Variants in FNDC3B observed in about 807,000 individuals in gnomAD.
The protein encoded by FNDC3B is fibronectin type III domain containing 3B.
In FNDC3B, 12 loss-of-function variants were observed where a neutral mutation model predicts 151.5. The ratio of observed to expected loss-of-function variants is 0.08; its 90% confidence interval spans 0.05 to 0.13. FNDC3B has a LOEUF of 0.13. Among genes scored for constraint, FNDC3B ranks in the 10% least tolerant of loss-of-function variants. The pLI is 1.00. For synonymous variants in FNDC3B, 528 were observed against 549.0 expected (o/e 0.96, Z 0.54); for missense variants, 1,214 against 1,505.3 (o/e 0.81, Z 3.20).
intron 6 of FNDC3B, among the ~76,000 whole-genome samples, chr3:172,272,482 C>T (rs1366810663): frequency 1.3e-5 from 2 of 152,070 alleles, no homozygotes; most frequent in Non-Finnish European, 2.9e-5. Flanking sequence ...AGCTGATGGG[C>T]TGTAGTGGGG....
At chr3:172,390,540 CT>C (rs1173476820) in intron 25 of FNDC3B, among the ~76,000 whole-genome samples, 225 of 143,950 alleles carry the variant, frequency 1.6e-3, no homozygotes, top group Middle Eastern at 3.8e-3. Flanking sequence ...TTTGGGCTCA[CT>C]TTTTTTTTTT....
intron 7 of FNDC3B, among the ~76,000 whole-genome samples, chr3:172,294,984 T>A (rs1349236216): frequency 6.6e-6 from 1 of 152,234 alleles, no homozygotes; most frequent in Non-Finnish European, 1.5e-5. Context: ...CTTTGAAGAA[T>A]GATTTGACAC....
At chr3:172,152,592 T>TTTTC (rs1722286360) in intron 3 of FNDC3B, among the ~76,000 whole-genome samples, 1 of 151,698 alleles carries the variant, frequency 6.6e-6, no homozygotes, top group Non-Finnish European at 1.5e-5. Flanking sequence ...TTTTTTTTTT[T>TTTTC]TTCTTCAAAC....
At chr3:172,092,244 AG>A (rs1279857424) in intron 1 of FNDC3B, among the ~76,000 whole-genome samples, 1 of 152,182 alleles carries the variant, frequency 6.6e-6, no homozygotes, top group East Asian at 1.9e-4. Context: ...CTGGAGATCC[AG>A]GAAGAGATTC....
intron 25 of FNDC3B, among the ~76,000 whole-genome samples, chr3:172,388,281 T>C (rs1267935493): frequency 6.6e-6 from 1 of 152,222 alleles, no homozygotes; most frequent in African/African-American, 2.4e-5. Context: ...CATGTTATTT[T>C]GAATTAAGGG....
chr3:172,159,061 A>C (rs1263080997), intron 3 of FNDC3B, among the ~76,000 whole-genome samples: 1 of 152,204 alleles, frequency 6.6e-6, no homozygotes, highest in Admixed American at 6.5e-5. Context: ...TGGGCAGATC[A>C]CAAGGTCAGG....
intron 4 of FNDC3B, among the ~76,000 whole-genome samples, chr3:172,242,446 G>A (rs1727547819): frequency 1.3e-5 from 2 of 152,198 alleles, no homozygotes; most frequent in South Asian, 4.1e-4. Context: ...TACAGCCTCT[G>A]AAGTCTAGGC....
At chr3:172,056,437 C>T (rs1211265252) in intron 1 of FNDC3B, among the ~76,000 whole-genome samples, 6 of 152,100 alleles carry the variant, frequency 3.9e-5, no homozygotes, top group Non-Finnish European at 5.9e-5. Context: ...AGATAATAGC[C>T]GGTTACAATG....
chr3:172,286,914 C>G (rs975496857), intron 7 of FNDC3B, among the ~76,000 whole-genome samples: 8 of 152,222 alleles, frequency 5.3e-5, no homozygotes, highest in Admixed American at 2.0e-4. Context: ...CTACTGTAGT[C>G]CTGGTGAAAG....
chr3:172,161,993 G>GA (rs1322505818), intron 3 of FNDC3B, among the ~76,000 whole-genome samples: 2 of 150,456 alleles, frequency 1.3e-5, no homozygotes, highest in South Asian at 4.2e-4. Context: ...TTTTTTTGGG[G>GA]GGGGACAGAG....
chr3:172,300,627 A>G (rs1447788685), intron 9 of FNDC3B, among the ~76,000 whole-genome samples: 1 of 152,144 alleles, frequency 6.6e-6, no homozygotes, highest in East Asian at 1.9e-4. Flanking sequence ...GTTACCATCT[A>G]GGGGCCTTGG....
intron 6 of FNDC3B, among the ~76,000 whole-genome samples, chr3:172,271,114 C>T (rs1729180776): frequency 2.0e-5 from 3 of 152,200 alleles, no homozygotes; most frequent in African/African-American, 7.2e-5. Flanking sequence ...TAAGAACGAG[C>T]CTCTTTAGGT....
At chr3:172,156,244 A>G (rs534511200) in intron 3 of FNDC3B, among the ~76,000 whole-genome samples, 4 of 152,362 alleles carry the variant, frequency 2.6e-5, no homozygotes, top group Non-Finnish European at 5.9e-5. Flanking sequence ...GCCATCATCA[A>G]TTGCATAAAC....
intron 14 of FNDC3B, among the ~76,000 whole-genome samples, chr3:172,333,414 C>T (rs6782310): frequency 0.048 from 7,329 of 151,882 alleles, 237 homozygotes; most frequent in African/African-American, 0.093. Flanking sequence ...CTCTGCCTCC[C>T]GGGTTTAAGC....
At chr3:172,361,392 G>C (rs867174783) in intron 22 of FNDC3B, among the ~76,000 whole-genome samples, 1 of 152,090 alleles carries the variant, frequency 6.6e-6, no homozygotes, top group African/African-American at 2.4e-5. Flanking sequence ...AAGCAGCCAG[G>C]TCACCTCTTG....
intron 1 of FNDC3B, among the ~76,000 whole-genome samples, chr3:172,073,487 GGACTTT>G (rs1303609671): frequency 2.0e-5 from 3 of 152,140 alleles, no homozygotes; most frequent in African/African-American, 7.2e-5. Flanking sequence ...TAGTTGCTGT[GGACTTT>G]GACTTTCTTC....
rs1204622069 is a variant in FNDC3B at position 172,344,265 on chromosome 3, A to G, written c.2250+7A>G. ...GGCTCTGAATGATGGAGGGGTGAGT[A>G]TAAGCCCATACACCATAACCAGAAT... On this transcript the variant is annotated splice_region_variant and intron_variant, in intron 19 of 25. Coordinates refer to ENST00000415807, the MANE Select transcript of FNDC3B (RefSeq NM_022763.4). 5.6e-6 allele frequency: 9 copies of G among 1,611,766 alleles called. No homozygotes were observed. Among genetic ancestry groups the G allele is most frequent in the Non-Finnish European group, 7.6e-6 (9 of 1,178,608 alleles).
At position 172,112,491 on chromosome 3, in the gene FNDC3B, A is replaced by C; in HGVS notation, c.12A>C (p.Thr4=). 1 of 1,613,460 alleles carries C rather than the reference A, an allele frequency of 6.2e-7. No homozygotes were observed. The part of the protein sequence containing the change: MYV[T]MMMTDQIPLE... ...GAAGTTCTCCATGAATGTACGTCACAATGATGATGACCGACCAAATCCCTC... is the reference window on the plus strand; with the variant it reads ...GAAGTTCTCCATGAATGTACGTCACCATGATGATGACCGACCAAATCCCTC... Residue 4 remains threonine, a synonymous_variant, in exon 2 of 26, where the codon ACA becomes ACC. Transcript: ENST00000415807.
At chr3:172,152,313 C>A (rs1481677927) in intron 3 of FNDC3B, among the ~76,000 whole-genome samples, 1 of 152,150 alleles carries the variant, frequency 6.6e-6, no homozygotes, top group Non-Finnish European at 1.5e-5. Context: ...CTCCCCACTC[C>A]TTTTGCATTT....
Sources: allele counts gnomAD v4.1 joint callset (sites outside exome capture counted in the v4.1 genomes callset), GRCh38; gene constraint gnomAD v4.1.1; transcripts MANE v1.5; gene names NCBI Gene and HGNC (gene_info 2026-07-23, HGNC 2026-07-21).